Variants in FHIT observed in about 807,000 individuals in gnomAD.
FHIT encodes fragile histidine triad diadenosine triphosphatase, also known as bis(5'-adenosyl)-triphosphatase.
A neutral mutation model predicts 17.9 loss-of-function variants in FHIT; 19 were observed. The ratio of observed to expected loss-of-function variants is 1.06; its 90% CI spans 0.74 to 1.56. The LOEUF is 1.56. FHIT is among the 40% of genes most tolerant of loss of function. FHIT has a pLI of 0.00. For missense variants in FHIT, 248 were observed against 189.2 expected, an observed-to-expected ratio of 1.31 and a Z score of -1.82; for synonymous variants, 81 against 69.7, an observed-to-expected ratio of 1.16 and a Z score of -0.81.
intron 3 of FHIT, among the ~76,000 whole-genome samples, chr3:60,928,873 G>A (rs1201726080): frequency 6.6e-6 from 1 of 152,160 alleles, no homozygotes; most frequent in Admixed American, 6.5e-5. Flanking sequence ...TATGAGGCCA[G>A]CATCATCCTG....
Position 60,471,036 on chromosome 3 carries a change from G to A in FHIT, c.103+65824C>T, listed in dbSNP as rs557895352. ...CTGGAAGCCAAGGCCTAGAACAGAGGCCTCAGGACTCTGCCTGGTGCCCTA... is the reference window on the plus strand; with the variant it reads ...CTGGAAGCCAAGGCCTAGAACAGAGACCTCAGGACTCTGCCTGGTGCCCTA... On this transcript the variant is annotated intron_variant, in intron 5 of 9. Coordinates refer to ENST00000492590, the MANE Select transcript of FHIT (RefSeq NM_002012.4). Among the ~76,000 whole-genome samples the A allele has an allele frequency of 4.6e-5, 7 of 152,290 alleles. No homozygotes were observed. In the South Asian group the frequency reaches 1.2e-3, roughly 27 times the overall value.
At chr3:60,598,122 C>T (rs1332900598) in intron 4 of FHIT, among the ~76,000 whole-genome samples, 1 of 152,078 alleles carries the variant, frequency 6.6e-6, no homozygotes, top group Non-Finnish European at 1.5e-5. Flanking sequence ...TAGATAGCAG[C>T]AATTTAATTC....
intron 7 of FHIT, among the ~76,000 whole-genome samples, chr3:59,957,023 G>C (rs1489591194): frequency 6.6e-6 from 1 of 152,132 alleles, no homozygotes. Context: ...CTACAGAACA[G>C]GGACTTTGTC....
chr3:60,628,751 CTTAG>C (rs148167276), intron 4 of FHIT, among the ~76,000 whole-genome samples: 1 of 152,284 alleles, frequency 6.6e-6, no homozygotes, highest in African/African-American at 2.4e-5. Context: ...GGACAATGAC[CTTAG>C]TTAGGCTTGA....
chr3:60,825,133 T>C (rs1702068569), intron 3 of FHIT, among the ~76,000 whole-genome samples: 1 of 152,200 alleles, frequency 6.6e-6, no homozygotes, highest in Admixed American at 6.5e-5. Context: ...TATTATTCTA[T>C]TGAGCAATTT....
At chr3:60,773,861 T>C (rs1700127776) in intron 4 of FHIT, among the ~76,000 whole-genome samples, 1 of 152,270 alleles carries the variant, frequency 6.6e-6, no homozygotes, top group South Asian at 2.1e-4. Context: ...CCACCTTCTT[T>C]CATAAAGCTG....
At chr3:60,373,317 A>G (rs1407591586) in intron 5 of FHIT, among the ~76,000 whole-genome samples, 1 of 152,212 alleles carries the variant, frequency 6.6e-6, no homozygotes, top group Non-Finnish European at 1.5e-5. Flanking sequence ...GTTGAAGCTA[A>G]GATATAAAGA....
At chr3:60,832,006 A>C (rs1388609979) in intron 3 of FHIT, among the ~76,000 whole-genome samples, 4 of 152,140 alleles carry the variant, frequency 2.6e-5, no homozygotes, top group African/African-American at 9.7e-5. Flanking sequence ...TTAGATAACA[A>C]CACTACTTAC....
intron 3 of FHIT, among the ~76,000 whole-genome samples, chr3:60,859,169 G>A (rs1703510786): frequency 1.3e-5 from 2 of 152,116 alleles, no homozygotes. Flanking sequence ...CCCAATAGGA[G>A]TATCGAATAG....
intron 4 of FHIT, among the ~76,000 whole-genome samples, chr3:60,676,847 G>A (rs782537823): frequency 2.0e-5 from 3 of 151,764 alleles, no homozygotes; most frequent in Non-Finnish European, 4.4e-5. Flanking sequence ...TTCTTTTAGT[G>A]AGCATAATTT....
chr3:60,534,150 G>A (rs562694772), intron 5 of FHIT, among the ~76,000 whole-genome samples: 22 of 150,944 alleles, frequency 1.5e-4, no homozygotes, highest in Middle Eastern at 3.6e-3. Flanking sequence ...CTCCCAGGCC[G>A]GGCGCGGTGG....
At chr3:59,814,692 G>A (rs1020998505) in intron 8 of FHIT, among the ~76,000 whole-genome samples, 2 of 152,128 alleles carry the variant, frequency 1.3e-5, no homozygotes, top group African/African-American at 4.8e-5. Flanking sequence ...TTATCCTTCA[G>A]TATTTATAGA....
intron 4 of FHIT, among the ~76,000 whole-genome samples, chr3:60,552,180 G>A (rs777604209): frequency 5.7e-4 from 87 of 151,994 alleles, no homozygotes; most frequent in Non-Finnish European, 1.8e-4. Context: ...TCCTTTTAAA[G>A]GCTGAATAAT....
intron 5 of FHIT, among the ~76,000 whole-genome samples, chr3:60,348,654 C>A (rs1646217974): frequency 6.6e-6 from 1 of 152,166 alleles, no homozygotes; most frequent in Non-Finnish European, 1.5e-5. Flanking sequence ...TGGCAGAGAG[C>A]AAAAATGGCC....
At chr3:59,960,305 T>C (rs908032204) in intron 7 of FHIT, among the ~76,000 whole-genome samples, 2 of 152,174 alleles carry the variant, frequency 1.3e-5, no homozygotes, top group African/African-American at 2.4e-5. Flanking sequence ...CAGAAATGGA[T>C]GGATTTAAGA....
At chr3:61,052,301 C>T (rs112572357) in intron 2 of FHIT, among the ~76,000 whole-genome samples, 69 of 152,312 alleles carry the variant, frequency 4.5e-4, no homozygotes, top group South Asian at 2.3e-3. Context: ...CTGCAAAGAA[C>T]AGTACCACCT....
At chr3:61,192,050 C>G (rs919754587) in intron 2 of FHIT, among the ~76,000 whole-genome samples, 3 of 152,050 alleles carry the variant, frequency 2.0e-5, no homozygotes, top group African/African-American at 4.8e-5. Context: ...TTTTATTTTG[C>G]CAGTGGATGT....
intron 5 of FHIT, among the ~76,000 whole-genome samples, chr3:60,534,951 C>A (rs983115227): frequency 8.5e-5 from 13 of 152,194 alleles, no homozygotes; most frequent in South Asian, 4.1e-4. Context: ...GTTAAAAAGT[C>A]TGAAATATCA....
chr3:61,081,926 A>C (rs1449799268), intron 2 of FHIT, among the ~76,000 whole-genome samples: 1 of 152,090 alleles, frequency 6.6e-6, no homozygotes, highest in Non-Finnish European at 1.5e-5. Flanking sequence ...TAAATCAATC[A>C]CCAAGTCGTG....
Sources: gnomAD v4.1 joint callset for allele counts (sites outside exome capture counted in the v4.1 genomes callset) on GRCh38, gnomAD v4.1.1 for gene constraint, MANE v1.5 for transcripts, NCBI Gene and HGNC (gene_info 2026-07-23, HGNC 2026-07-21) for gene names.